The following FLNB variants were observed in gnomAD, a reference collection of about 807,000 sequenced individuals.
The protein encoded by FLNB is filamin B.
Under a neutral mutation model 250.6 loss-of-function variants are expected in FLNB, and 111 were observed. The observed-to-expected ratio is 0.44, with a 90% CI of 0.38 to 0.52. FLNB has a LOEUF of 0.52. Among genes scored for constraint, FLNB ranks in the 20% least tolerant of loss-of-function variants. FLNB has a pLI of 0.00. For synonymous variants in FLNB, 1,302 were observed against 1,372.1 expected (o/e 0.95, Z 1.13); for missense variants, 2,869 against 3,447.8 (o/e 0.83, Z 4.20).
At chr3:58,134,547 A>G in intron 26 of FLNB, 69 bp from the exon 27 acceptor site, 1 of 1,582,468 alleles carries the variant, frequency 6.3e-7, no homozygotes, top group Non-Finnish European at 8.7e-7. Flanking sequence ...TATGTGTAAG[A>G]AAAGTCAGAT....
At position 58,105,144 on chromosome 3, in the gene FLNB, C is replaced by T. The variant is rs1302931926; in HGVS notation, c.1675C>T (p.Leu559Phe). The T allele has an allele frequency of 6.2e-7, 1 of 1,614,222 alleles. No individual in the cohort carries two copies. ...GAAAGTCCGTGCTTGGGGCCCTGGGCTCCATGGTGGGATTGTCGGGCGGTC... is the reference window on the plus strand; with the variant it reads ...GAAAGTCCGTGCTTGGGGCCCTGGGTTCCATGGTGGGATTGTCGGGCGGTC... ...MQKVRAWGPG[L>F]HGGIVGRSAD... The change falls in exon 11 of 46, where the codon CTC becomes TTC. Residue 559 changes from leucine (L) to phenylalanine (F), a missense_variant. Around this residue, in one of 5 missense-constraint regions of FLNB, gnomAD observed 1,348 missense variants for 1,466.7 expected, o/e 0.92. Transcript: ENST00000295956.
Position 58,159,661 on chromosome 3 carries a change from G to C in FLNB, c.6996G>C (p.Glu2332Asp). The C allele has an allele frequency of 6.2e-7, 1 of 1,613,854 alleles. No homozygotes were observed. Among genetic ancestry groups the C allele is most frequent in the Non-Finnish European group, 8.5e-7 (1 of 1,180,030 alleles). ...KVHSPSGAVE[E>D]CHVSELEPDK... ...ACAGCCCCTCTGGAGCCGTGGAGGAGTGCCACGTGTCTGAGCTGGAGCCAG... is the reference window on the plus strand; with the variant it reads ...ACAGCCCCTCTGGAGCCGTGGAGGACTGCCACGTGTCTGAGCTGGAGCCAG... The change falls in exon 42 of 46, where the codon GAG (glutamate) becomes GAC (aspartate). Residue 2332 changes from glutamate to aspartate, a missense_variant. This residue lies in a region of FLNB where 1,084 missense variants were observed against 1,315.5 expected (regional missense o/e 0.82). Transcript: ENST00000295956.
At chr3:58,112,122 T>G in intron 17 of FLNB, 27 bp from the exon 18 acceptor site, 1 of 1,610,862 alleles carries the variant, frequency 6.2e-7, no homozygotes, top group Non-Finnish European at 8.5e-7. Context: ...CTGGTCTGTC[T>G]CCTCACTTCA....
chr3:58,154,045 C>T (rs2097349505), intron 39 of FLNB, among the ~76,000 whole-genome samples: 1 of 152,162 alleles, frequency 6.6e-6, no homozygotes, highest in Admixed American at 6.5e-5. Flanking sequence ...AAAAATGGAA[C>T]ATTCTCATCT....
At chr3:58,032,484 C>T (rs865929938) in intron 1 of FLNB, among the ~76,000 whole-genome samples, 1 of 152,138 alleles carries the variant, frequency 6.6e-6, no homozygotes, top group Admixed American at 6.5e-5. Flanking sequence ...CCTCTGGGAG[C>T]GTCCAGTCAA....
At chr3:58,070,377 A>G (rs564040242) in intron 1 of FLNB, among the ~76,000 whole-genome samples, 1 of 152,230 alleles carries the variant, frequency 6.6e-6, no homozygotes, top group South Asian at 2.1e-4. Context: ...CCTACTCCTT[A>G]TAACAGCCCT....
intron 25 of FLNB, chr3:58,131,817 G>A (rs1015247715): frequency 1.4e-6 from 1 of 736,166 alleles, no homozygotes; most frequent in South Asian, 1.6e-5. Flanking sequence ...GCATGTATGT[G>A]TCCCTGTGTA....
At position 58,064,031 on chromosome 3, in the gene FLNB, A is replaced by C. The variant is rs192184284; in HGVS notation, c.293-13015A>C. On this transcript the variant is annotated intron_variant, in intron 1 of 45. Transcript: ENST00000295956. ...CTGTGGAGACACCAGTTTTCATTAT[A>C]ATAACGCCATTATCTCTTTGTAGAG... Among the ~76,000 whole-genome samples, 1,453 of 152,240 alleles carry C rather than the reference A, an allele frequency of 9.5e-3. 15 individuals carry two copies. Among genetic ancestry groups the C allele is most frequent in the Non-Finnish European group, 0.016 (1,111 of 68,016 alleles).
At chr3:58,109,483 C>T in intron 14 of FLNB, 93 bp from the exon 15 acceptor site, 1 of 1,607,560 alleles carries the variant, frequency 6.2e-7, no homozygotes. Context: ...CTCCAGCCTG[C>T]TCAGAAGAAC....
intron 38 of FLNB, among the ~76,000 whole-genome samples, chr3:58,153,050 A>G (rs1228763555): frequency 2.0e-5 from 3 of 152,240 alleles, no homozygotes; most frequent in Non-Finnish European, 4.4e-5. Context: ...AGAAATGCCA[A>G]AGCTTCTTGA....
intron 1 of FLNB, among the ~76,000 whole-genome samples, chr3:58,045,265 T>C (rs2097151989): frequency 6.6e-6 from 1 of 152,182 alleles, no homozygotes; most frequent in Non-Finnish European, 1.5e-5. Flanking sequence ...ATCCTCACCA[T>C]GATCAGTTTG....
chr3:58,117,985 C>A (rs1292779923), intron 18 of FLNB, among the ~76,000 whole-genome samples: 1 of 152,146 alleles, frequency 6.6e-6, no homozygotes, highest in Non-Finnish European at 1.5e-5. Context: ...TACATTATGC[C>A]TGGCCGATTG....
At chr3:58,015,535 C>T (rs2097104590) in intron 1 of FLNB, among the ~76,000 whole-genome samples, 1 of 152,164 alleles carries the variant, frequency 6.6e-6, no homozygotes, top group African/African-American at 2.4e-5. Context: ...GCTAGGACAA[C>T]AGGAATGAGA....
Position 58,008,754 on chromosome 3 carries a change from C to T in FLNB, c.190C>T (p.Arg64Cys). Reference protein sequence around the residue: ...LEVLSQKRMYRKYHQRPTFRQ... With the variant: ...LEVLSQKRMYCKYHQRPTFRQ... ...GGTGCTCAGCCAGAAGCGCATGTAC[C>T]GCAAGTACCATCAGCGGCCCACCTT... The change falls in exon 1 of 46, where the codon CGC becomes TGC. Residue 64 changes from arginine (R) to cysteine (C), a missense_variant. Arg to Cys is a radical substitution (Grantham distance 180). Around this residue, in one of 5 missense-constraint regions of FLNB, gnomAD observed 308 missense variants for 466.1 expected, o/e 0.66. Transcript: ENST00000295956. The T allele has an allele frequency of 3.1e-6, 5 of 1,614,066 alleles. No individual in the cohort carries two copies. The highest frequency in any genetic ancestry group is 1.1e-5 in the South Asian group (1 of 91,084).
At chr3:58,049,504 GC>G (rs1016880058) in intron 1 of FLNB, among the ~76,000 whole-genome samples, 3 of 152,152 alleles carry the variant, frequency 2.0e-5, no homozygotes, top group Non-Finnish European at 4.4e-5. Context: ...AGCTGGAAGG[GC>G]CAGCTTTCAG....
At chr3:58,159,403 C>A (rs2097358006) in intron 41 of FLNB, 151 bp from the exon 42 acceptor site, 1 of 753,432 alleles carries the variant, frequency 1.3e-6, no homozygotes, top group Non-Finnish European at 2.3e-6. Context: ...ATTAAAAATG[C>A]AGAATGGCTC....
At chr3:58,028,700 G>T (rs1414038656) in intron 1 of FLNB, among the ~76,000 whole-genome samples, 1 of 147,616 alleles carries the variant, frequency 6.8e-6, no homozygotes, top group Non-Finnish European at 1.5e-5. Flanking sequence ...TGCAACCTCC[G>T]CCTCCCTGGT....
rs1359627246 is a variant in FLNB at position 58,153,524 on chromosome 3, G to A, written c.6517G>A (p.Gly2173Arg). ...GVHTVSVKYR[G>R]QHVTGSPFQF... ...GCACACGGTCAGCGTCAAGTACCGT[G>A]GGCAGCACGTCACCGGCAGCCCCTT... is the stretch of plus-strand genomic sequence containing the variant. The change falls in exon 39 of 46, where the codon GGG becomes AGG. Residue 2173 changes from glycine (G) to arginine (R), a missense_variant. Coordinates refer to ENST00000295956, the MANE Select transcript of FLNB (RefSeq NM_001457.4). 2.5e-6 allele frequency: 4 copies of A among 1,614,038 alleles called. No homozygotes were observed. Among genetic ancestry groups the A allele is most frequent in the Non-Finnish European group, 3.4e-6 (4 of 1,180,054 alleles).
chr3:58,061,074 A>C (rs2097177844), intron 1 of FLNB, among the ~76,000 whole-genome samples: 1 of 152,120 alleles, frequency 6.6e-6, no homozygotes, highest in South Asian at 2.1e-4. Context: ...TCCTTTGCTG[A>C]TAGGTAACAT....
Sources: allele counts gnomAD v4.1 joint callset (sites outside exome capture counted in the v4.1 genomes callset), GRCh38; gene constraint gnomAD v4.1.1; regional missense constraint gnomAD v4.1.1; transcripts MANE v1.5; gene names NCBI Gene and HGNC (gene_info 2026-07-23, HGNC 2026-07-21).